Variants in SLC30A10 observed in about 807,000 individuals in gnomAD.
SLC30A10 encodes solute carrier family 30 member 10.
A neutral mutation model predicts 21.7 loss-of-function variants in SLC30A10; 8 were observed. The ratio of observed to expected loss-of-function variants is 0.37; its 90% CI spans 0.22 to 0.67. SLC30A10 has a LOEUF of 0.67. SLC30A10 is among the 30% of genes least tolerant of loss of function. The probability of loss-of-function intolerance (pLI) is 0.58; values close to 1 mark genes in which losing one functional copy is unlikely to be tolerated. For synonymous variants in SLC30A10, 272 were observed against 279.4 expected (o/e 0.97, Z 0.26); for missense variants, 521 against 642.5 (o/e 0.81, Z 2.04).
In SLC30A10 at chr1:219,928,086, C is replaced by A; in HGVS notation, c.355G>T (p.Val119Phe). 6.3e-7 allele frequency: 1 copy of A among 1,586,450 alleles called. No individual in the cohort carries two copies. The highest frequency in any genetic ancestry group is 1.2e-5 in the South Asian group (1 of 86,830). Residue 119 changes from valine (V) to phenylalanine (F), a missense_variant, in exon 1 of 4, where the codon GTC (valine) becomes TTC (phenylalanine). By Grantham distance (50) the Val-to-Phe change is conservative. Coordinates refer to ENST00000366926, the MANE Select transcript of SLC30A10 (RefSeq NM_018713.3). This position sits in a 1 kb window ranked among gnomAD's most constrained non-coding sequence, Gnocchi z 6.3. Reference sequence around the variant, plus strand: ...TTGACCAACAGCCCCAGGACGCCGACGATGAGCACCAGCTCGGGGTCATCG... The same window carrying A: ...TTGACCAACAGCCCCAGGACGCCGAAGATGAGCACCAGCTCGGGGTCATCG... ...RIDDPELVLI[V>F]GVLGLLVNVV...
At chr1:219,916,211 A>T (rs1464273022) in intron 3 of SLC30A10, among the ~76,000 whole-genome samples, 4 of 152,210 alleles carry the variant, frequency 2.6e-5, no homozygotes, top group African/African-American at 9.7e-5. Context: ...CTGAGTATAC[A>T]AGGGAATGGA....
chr1:219,919,031 G>A (rs1308806381), intron 2 of SLC30A10: 1 of 152,126 alleles, frequency 6.6e-6, no homozygotes, highest in East Asian at 1.9e-4. Flanking sequence ...GGTTTAAGAG[G>A]TGTCCAAGAA....
upstream of SLC30A10, among the ~76,000 whole-genome samples, chr1:219,958,964 T>C (rs1309383854): frequency 1.3e-5 from 2 of 152,094 alleles, no homozygotes; most frequent in Non-Finnish European, 2.9e-5. Context: ...AAGAGGAGGA[T>C]GCTAACGACG....
chr1:219,934,115 C>T (rs908018923), intron 1 of SLC30A10, among the ~76,000 whole-genome samples: 2 of 152,260 alleles, frequency 1.3e-5, no homozygotes, highest in Non-Finnish European at 1.5e-5. Context: ...GGTGAAACCT[C>T]GTCTGTACTA....
intron 2 of SLC30A10, among the ~76,000 whole-genome samples, chr1:219,923,906 A>T (rs370448697): frequency 6.6e-6 from 1 of 151,980 alleles, no homozygotes; most frequent in Non-Finnish European, 1.5e-5. Context: ...CTAAAAATAC[A>T]AAAAAAATTA....
chr1:219,930,137 C>T (rs7523576), upstream of SLC30A10, among the ~76,000 whole-genome samples: 2,769 of 151,344 alleles, frequency 0.018, 83 homozygotes, highest in African/African-American at 0.061. Context: ...GAAATGAATA[C>T]AAATGTCTTA....
Position 219,927,663 on chromosome 1 carries a change from A to C in SLC30A10, c.640+138T>G, listed in dbSNP as rs76160931. On this transcript the variant is annotated intron_variant, in intron 1 of 3. Transcript: ENST00000366926. ...TAAAAAAAAAAAAAAAAAAAAAAAA[A>C]AAAAACAACAACAACAAAAAAAAAA... The C allele has an allele frequency of 0.18, 65,794 of 368,754 alleles. 6,705 individuals are homozygous for C. The highest frequency in any genetic ancestry group is 0.44 in the African/African-American group (11,819 of 27,132). 22.8% of individuals were successfully genotyped at this position (368,754 alleles called of 1,614,324 possible).
At chr1:219,935,695 A>T (rs566969980) in intron 1 of SLC30A10, among the ~76,000 whole-genome samples, 2 of 152,344 alleles carry the variant, frequency 1.3e-5, no homozygotes, top group East Asian at 3.9e-4. Flanking sequence ...ATCAACAAAC[A>T]TTGGCTCCTT....
chr1:219,959,026 C>T (rs1463051899), upstream of SLC30A10, among the ~76,000 whole-genome samples: 5 of 152,168 alleles, frequency 3.3e-5, no homozygotes, highest in Admixed American at 6.5e-5. Context: ...CATGGCGTCT[C>T]GGTGCCCTGG....
At chr1:219,957,110 T>C (rs1345675072) in intron 1 of SLC30A10, among the ~76,000 whole-genome samples, 1 of 152,204 alleles carries the variant, frequency 6.6e-6, no homozygotes, top group Non-Finnish European at 1.5e-5. Flanking sequence ...TTCACGATGA[T>C]TGGTGTAGCC....
intron 1 of SLC30A10, among the ~76,000 whole-genome samples, chr1:219,934,895 T>C (rs1400761643): frequency 2.0e-5 from 3 of 152,154 alleles, no homozygotes; most frequent in South Asian, 4.1e-4. Flanking sequence ...GACGCACTCA[T>C]AGAGAAACCC....
intron 1 of SLC30A10, among the ~76,000 whole-genome samples, chr1:219,954,762 G>C (rs1265449879): frequency 6.8e-6 from 1 of 148,066 alleles, no homozygotes; most frequent in Non-Finnish European, 1.5e-5. Flanking sequence ...ATAATTAACA[G>C]ATATTTCTGA....
intron 1 of SLC30A10, among the ~76,000 whole-genome samples, chr1:219,950,493 G>C (rs1227153166): frequency 6.6e-6 from 1 of 152,006 alleles, no homozygotes; most frequent in Non-Finnish European, 1.5e-5. Context: ...CAAAAAATTA[G>C]CCAGGCATGG....
intron 1 of SLC30A10, among the ~76,000 whole-genome samples, chr1:219,958,333 T>C (rs777585217): frequency 3.3e-5 from 5 of 152,206 alleles, no homozygotes; most frequent in Non-Finnish European, 7.3e-5. Flanking sequence ...TTTCATTCCC[T>C]GTGAGTAAAA....
At chr1:219,947,611 G>A (rs777036702) in intron 1 of SLC30A10, among the ~76,000 whole-genome samples, 1 of 152,096 alleles carries the variant, frequency 6.6e-6, no homozygotes, top group Non-Finnish European at 1.5e-5. Flanking sequence ...ATGGACTATG[G>A]AAAACATTCT....
In SLC30A10 at chr1:219,928,458, G is replaced by C; in HGVS notation, c.-18C>G. On this transcript the variant is annotated 5_prime_UTR_variant, in exon 1 of 4. Transcript: ENST00000366926. This position sits in a 1 kb window ranked among gnomAD's most constrained non-coding sequence, Gnocchi z 6.3. ...CGGCCCATCTCGCCACCAGCCCCGG[G>C]CGCCCGGCGCCGCCCAGGGGAGCGC... 1 of 1,583,312 alleles carries C rather than the reference G, an allele frequency of 6.3e-7. No homozygotes were observed. The highest frequency in any genetic ancestry group is 1.1e-5 in the South Asian group (1 of 87,016).
rs77380685 is a variant in SLC30A10 at position 219,921,702 on chromosome 1, G to A, written c.719-3208C>T. Among the ~76,000 whole-genome samples, 828 of 151,782 alleles carry A rather than the reference G, an allele frequency of 5.5e-3. 4 individuals are homozygous for A. Among genetic ancestry groups the A allele is most frequent in the Non-Finnish European group, 8.3e-3 (564 of 67,968 alleles). On this transcript the variant is annotated intron_variant, in intron 2 of 3. Coordinates refer to ENST00000366926, the MANE Select transcript of SLC30A10 (RefSeq NM_018713.3). ...AATTTTCTACTAAACTAATTCTAGG[G>A]CCCAAATTGTCGCAGCCTTCAGTTT...
At chr1:219,948,535 G>T (rs1298053342) in intron 1 of SLC30A10, among the ~76,000 whole-genome samples, 1 of 152,090 alleles carries the variant, frequency 6.6e-6, no homozygotes, top group Non-Finnish European at 1.5e-5. Context: ...TTAATAAATG[G>T]TGCTGGGAAA....
At chr1:219,942,339 C>A (rs139117591) in intron 1 of SLC30A10, among the ~76,000 whole-genome samples, 2 of 152,122 alleles carry the variant, frequency 1.3e-5, no homozygotes, top group African/African-American at 4.8e-5. Context: ...AAACTGAGAT[C>A]GATGCGAGAT....
Sources: allele counts gnomAD v4.1 joint callset (sites outside exome capture counted in the v4.1 genomes callset), GRCh38; gene constraint gnomAD v4.1.1; non-coding constraint Gnocchi (gnomAD v3.1); transcripts MANE v1.5; gene names NCBI Gene and HGNC (gene_info 2026-07-23, HGNC 2026-07-21).